AQP8: variants seen among roughly 807,000 people sequenced by gnomAD.
The protein encoded by AQP8 is aquaporin 8.
A neutral mutation model predicts 26.1 loss-of-function variants in AQP8; 14 were observed. That is an observed-to-expected ratio of 0.54 (90% CI 0.35 to 0.84). The LOEUF (loss-of-function observed/expected upper bound fraction) is 0.84. AQP8 is among the 40% of genes least tolerant of loss of function. AQP8 has a pLI of 0.01. For synonymous variants in AQP8, 131 were observed against 150.7 expected (o/e 0.87, Z 0.96); for missense variants, 301 against 340.5 (o/e 0.88, Z 0.91).
chr16:25,222,429 A>C (rs561191259), intron 3 of AQP8, among the ~76,000 whole-genome samples: 19 of 150,376 alleles, frequency 1.3e-4, no homozygotes, highest in African/African-American at 4.7e-4. Context: ...TTGGCCTCCA[A>C]CTCCTGGCCT....
intron 4 of AQP8, among the ~76,000 whole-genome samples, chr16:25,226,623 A>G (rs1328877234): frequency 6.6e-6 from 1 of 152,172 alleles, no homozygotes; most frequent in Non-Finnish European, 1.5e-5. Context: ...TAAACGGGGT[A>G]TTCATCCCCT....
Position 25,224,250 on chromosome 16 carries a change from A to G in AQP8, c.388-112A>G, listed in dbSNP as rs911028054. 7 of 981,666 alleles carry G rather than the reference A, an allele frequency of 7.1e-6. No homozygotes were observed. The African/African-American group carries it at 1.2e-4, about 16-fold the overall frequency. The allele number at this position is 981,666 out of a possible 1,614,324, so 60.8% of individuals were successfully genotyped here. A position where few individuals can be genotyped will look rare whatever the true frequency, so the allele number is the denominator to read the frequency against. ...CAGGTATATCTAACTGAAATTGGACATAACCCTTCACTGGCTCTTAAGGTG... is the reference window on the plus strand; with the variant it reads ...CAGGTATATCTAACTGAAATTGGACGTAACCCTTCACTGGCTCTTAAGGTG... On this transcript the variant is annotated intron_variant, in intron 3 of 5. Coordinates refer to ENST00000219660, the MANE Select transcript of AQP8 (RefSeq NM_001169.3).
intron 3 of AQP8, among the ~76,000 whole-genome samples, chr16:25,223,255 C>G (rs1962587376): frequency 6.6e-6 from 1 of 152,276 alleles, no homozygotes; most frequent in Non-Finnish European, 1.5e-5. Context: ...CTGTCTTTCC[C>G]CTTCGGGGCT....
intron 3 of AQP8, among the ~76,000 whole-genome samples, chr16:25,223,699 A>G: frequency 6.6e-6 from 1 of 152,014 alleles, no homozygotes; most frequent in East Asian, 1.9e-4. Context: ...ACAGAGCTAG[A>G]CTCTGTGTCA....
At chr16:25,226,659 A>G (rs1482029285) in intron 4 of AQP8, among the ~76,000 whole-genome samples, 1 of 152,264 alleles carries the variant, frequency 6.6e-6, no homozygotes, top group Non-Finnish European at 1.5e-5. Context: ...TGGGTCACGA[A>G]CAATCCTATG....
At chr16:25,227,677 G>C (rs1359118131) in intron 5 of AQP8, among the ~76,000 whole-genome samples, 1 of 151,932 alleles carries the variant, frequency 6.6e-6, no homozygotes, top group Non-Finnish European at 1.5e-5. Context: ...TAGTAGAGTC[G>C]GGTTTTCACC....
chr16:25,226,319 A>C (rs1178289574), intron 4 of AQP8, among the ~76,000 whole-genome samples: 3 of 144,988 alleles, frequency 2.1e-5, no homozygotes, highest in Non-Finnish European at 4.4e-5. Context: ...GTGCAGTGGC[A>C]TGATCATGGC....
intron 2 of AQP8, among the ~76,000 whole-genome samples, chr16:25,218,239 T>C (rs1962513623): frequency 6.6e-6 from 1 of 152,198 alleles, no homozygotes; most frequent in African/African-American, 2.4e-5. Flanking sequence ...AAGGGGGTTT[T>C]AGGGAAAGCA....
At chr16:25,217,890 GT>G (rs145770321) in intron 2 of AQP8, among the ~76,000 whole-genome samples, 14 of 149,204 alleles carry the variant, frequency 9.4e-5, no homozygotes, top group Middle Eastern at 3.5e-3. Context: ...GCTTTTAAAT[GT>G]TTTTTTTTTC....
chr16:25,228,388 G>A (rs930931664), intron 5 of AQP8, 56 bp from the exon 6 acceptor site: 38 of 1,574,732 alleles, frequency 2.4e-5, no homozygotes, highest in African/African-American at 1.3e-4. Flanking sequence ...GAGACATGAC[G>A]AAGGGCTGGG....
At position 25,228,695 on chromosome 16, in the gene AQP8, G is replaced by C. The variant is rs1458391686; in HGVS notation, c.*203G>C. ...TTGGAATTCCTTTGTGCTCATCAGAGACCCCAGCCTGGGGAACACGCTGCC... is the reference window on the plus strand; with the variant it reads ...TTGGAATTCCTTTGTGCTCATCAGACACCCCAGCCTGGGGAACACGCTGCC... On this transcript the variant is annotated 3_prime_UTR_variant, in exon 6 of 6. Coordinates refer to ENST00000219660, the MANE Select transcript of AQP8 (RefSeq NM_001169.3). The C allele has an allele frequency of 8.8e-6, 5 of 566,320 alleles. No homozygotes were observed. Among genetic ancestry groups the C allele is most frequent in the Admixed American group, 3.0e-5 (1 of 33,122 alleles). The allele number at this position is 566,320 out of a possible 1,614,324, so 35.1% of individuals were successfully genotyped here.
rs1962603555 is a variant in AQP8 at position 25,224,400 on chromosome 16, G to T, written c.426G>T (p.Gly142=). ...SPEERFWNAS[G]AAFVTVQEQG... is the part of the protein sequence containing the mutation. ...AGGAGAGGTTCTGGAATGCATCTGG[G>T]GCGGCCTTTGTGACAGTCCAGGAGC... The change falls in exon 4 of 6, where the codon GGG becomes GGT. Residue 142 remains glycine (G), a synonymous_variant. Coordinates refer to ENST00000219660, the MANE Select transcript of AQP8 (RefSeq NM_001169.3). 2 of 1,613,960 alleles carry T rather than the reference G, an allele frequency of 1.2e-6. No homozygotes were observed. The highest frequency in any genetic ancestry group is 1.7e-6 in the Non-Finnish European group (2 of 1,180,040).
rs368237263 is a variant in AQP8, at chr16:25,217,581, G to A, written c.260+136G>A. ...GCGCTCTGGATAACTATGGGGTTGG[G>A]AGTCAGACTGGGGTCAACTCCAGAC... On this transcript the variant is annotated intron_variant, in intron 2 of 5. Transcript: ENST00000219660. The A allele has an allele frequency of 1.6e-3, 2,028 of 1,257,172 alleles. 55 individuals are homozygous for A. In the South Asian group the frequency reaches 0.028, roughly 17 times the overall value. The allele number at this position is 1,257,172 out of a possible 1,614,324, so 77.9% of individuals were successfully genotyped here. A position where few individuals can be genotyped will look rare whatever the true frequency, so the allele number is the denominator to read the frequency against.
chr16:25,225,470 C>CA (rs1444782966), intron 4 of AQP8, among the ~76,000 whole-genome samples: 1 of 112,698 alleles, frequency 8.9e-6, no homozygotes, highest in Non-Finnish European at 2.1e-5. Context: ...CACTTACAAG[C>CA]CCTTTTTTTT....
intron 3 of AQP8, among the ~76,000 whole-genome samples, chr16:25,223,936 G>C (rs903948000): frequency 1.3e-5 from 2 of 151,196 alleles, no homozygotes; most frequent in African/African-American, 4.9e-5. Context: ...AAGTGATTCT[G>C]GTGCCTCAGC....
At chr16:25,220,681 A>G (rs1597627857) in intron 2 of AQP8, among the ~76,000 whole-genome samples, 1 of 152,274 alleles carries the variant, frequency 6.6e-6, no homozygotes, top group Non-Finnish European at 1.5e-5. Context: ...TCACACTTTC[A>G]GACCACAAGT....
rs530904331 is a variant in AQP8, at chr16:25,217,135, G to A, written c.13-63G>A. 18 of 1,613,140 alleles carry A rather than the reference G, an allele frequency of 1.1e-5. No homozygotes were observed. The African/African-American group carries it at 1.3e-4, about 12-fold the overall frequency. On this transcript the variant is annotated intron_variant, in intron 1 of 5. Coordinates refer to ENST00000219660, the MANE Select transcript of AQP8 (RefSeq NM_001169.3). ...GTGAATTAATTCAAGGTTGGGGGTCGGGGCCTTCTATATCTGGACTTGCCT... is the reference window on the plus strand; with the variant it reads ...GTGAATTAATTCAAGGTTGGGGGTCAGGGCCTTCTATATCTGGACTTGCCT...
At chr16:25,220,946 G>A (rs1366354256) in intron 2 of AQP8, among the ~76,000 whole-genome samples, 1 of 152,218 alleles carries the variant, frequency 6.6e-6, no homozygotes, top group South Asian at 2.1e-4. Context: ...AGCTACTTAG[G>A]AGGCTGAGTC....
chr16:25,221,532 G>A lies in AQP8; in HGVS notation c.336G>A (p.Pro112=), dbSNP rs199899879. 83 of 1,614,072 alleles carry A rather than the reference G, an allele frequency of 5.1e-5. No individual in the cohort carries two copies. The highest frequency in any genetic ancestry group is 1.6e-4 in the Middle Eastern group (1 of 6,062). Residue 112 remains proline, a synonymous_variant, in exon 3 of 6, where the codon CCG becomes CCA. Transcript: ENST00000219660. Reference sequence around the variant, plus strand: ...GCCTCAACCTGGTGATGCTCCTCCCGTACTGGGTCTCACAGCTGCTCGGGG... The same window carrying A: ...GCCTCAACCTGGTGATGCTCCTCCCATACTGGGTCTCACAGCTGCTCGGGG... ...IGGLNLVMLL[P]YWVSQLLGGM...
Sources: gnomAD v4.1 joint callset for allele counts (sites outside exome capture counted in the v4.1 genomes callset) on GRCh38, gnomAD v4.1.1 for gene constraint, MANE v1.5 for transcripts, NCBI Gene and HGNC (gene_info 2026-07-23, HGNC 2026-07-21) for gene names.